MCMBP: variants seen among roughly 807,000 people sequenced by gnomAD.
MCMBP encodes mini-chromosome maintenance complex-binding protein.
A neutral mutation model predicts 81.3 loss-of-function variants in MCMBP; 31 were observed. The observed-to-expected ratio is 0.38, with a 90% CI of 0.29 to 0.51. MCMBP has a LOEUF of 0.51. MCMBP is among the 20% of genes least tolerant of loss of function. The pLI is 0.87. For missense variants in MCMBP, 645 were observed against 772.1 expected, an observed-to-expected ratio of 0.84 and a Z score of 1.95; for synonymous variants, 267 against 275.9, an observed-to-expected ratio of 0.97 and a Z score of 0.32.
rs1852008129 is a variant in MCMBP, at chr10:119,830,911, A to ATGTT, written c.*559_*562dup. On this transcript the variant is annotated 3_prime_UTR_variant, in exon 16 of 16. Coordinates refer to ENST00000369077, the MANE Select transcript of MCMBP (RefSeq NM_001256378.2). ...GTTTAGTTTTGCAGGCTGTTAACAA[A>ATGTT]TGTTAAGTGGGAAAAAGTTTCTGTG... 1 of 152,606 alleles carries ATGTT rather than the reference A, an allele frequency of 6.6e-6. No homozygotes were observed. Among genetic ancestry groups the ATGTT allele is most frequent in the South Asian group, 2.1e-4 (1 of 4,828 alleles). The allele number at this position is 152,606 out of a possible 1,614,324, so 9.5% of individuals were successfully genotyped here. A position where few individuals can be genotyped will look rare whatever the true frequency, so the allele number is the denominator to read the frequency against.
rs1852274496 is a variant in MCMBP at position 119,837,109 on chromosome 10, C to T, written c.1409-80G>A. 7 of 1,430,694 alleles carry T rather than the reference C, an allele frequency of 4.9e-6. No homozygotes were observed. In the Middle Eastern group the frequency reaches 5.5e-4, roughly 112 times the overall value. 88.6% of individuals were successfully genotyped at this position (1,430,694 alleles called of 1,614,324 possible). A position where few individuals can be genotyped will look rare whatever the true frequency, so the allele number is the denominator to read the frequency against. The stretch of plus-strand genomic sequence containing the variant: ...CAGTTTTGCTGACACCGATGATGAG[C>T]CATGAAGTTTCTACCACTTTTAATA... On this transcript the variant is annotated intron_variant, in intron 12 of 15. Transcript: ENST00000369077.
At chr10:119,859,204 A>G in intron 2 of MCMBP, 23 bp from the exon 3 acceptor site, 1 of 1,607,210 alleles carries the variant, frequency 6.2e-7, no homozygotes, top group Non-Finnish European at 8.5e-7. Context: ...TAATCAAGTC[A>G]GTCAACTAAA....
chr10:119,834,380 A>G (rs962850079), intron 14 of MCMBP, among the ~76,000 whole-genome samples: 2 of 152,224 alleles, frequency 1.3e-5, no homozygotes, highest in African/African-American at 4.8e-5. Flanking sequence ...ATCAGAAACT[A>G]GTTGGCTTCT....
At chr10:119,834,254 C>T (rs1213524641) in intron 14 of MCMBP, among the ~76,000 whole-genome samples, 1 of 140,926 alleles carries the variant, frequency 7.1e-6, no homozygotes, top group Non-Finnish European at 1.6e-5. Flanking sequence ...CAACAAACTC[C>T]ATGTAGGATA....
At chr10:119,864,786 T>C (rs2456727) in intron 1 of MCMBP, among the ~76,000 whole-genome samples, 107,911 of 152,084 alleles carry the variant, frequency 0.71, 38,560 homozygotes, top group East Asian at 0.81. Context: ...CATCTAAGCA[T>C]GTCTTTGGCT....
chr10:119,863,165 A>G (rs1259930974), intron 1 of MCMBP, among the ~76,000 whole-genome samples: 1 of 152,118 alleles, frequency 6.6e-6, no homozygotes, highest in Non-Finnish European at 1.5e-5. Context: ...GATGAAGCCC[A>G]ATTTATCAAA....
At chr10:119,834,583 A>G (rs1159486527) in intron 14 of MCMBP, among the ~76,000 whole-genome samples, 4 of 152,110 alleles carry the variant, frequency 2.6e-5, no homozygotes, top group Admixed American at 6.6e-5. Context: ...TCGGGAGGCT[A>G]AGGAGAGAGG....
chr10:119,839,711 T>G (rs1384655849), intron 11 of MCMBP, among the ~76,000 whole-genome samples: 1 of 152,236 alleles, frequency 6.6e-6, no homozygotes, highest in Admixed American at 6.5e-5. Flanking sequence ...CATAGCAGAC[T>G]ATGGAAAGTT....
At position 119,833,492 on chromosome 10, in the gene MCMBP, GAAAA is replaced by G. The variant is rs1200623402; in HGVS notation, c.1708-1396_1708-1393del. The stretch of plus-strand genomic sequence containing the variant: ...TCATCACTACAAAAAAAAAAAGAAA[GAAAA>G]AAAAAGAAAAGAAAAAACAAAAAAA... On this transcript the variant is annotated intron_variant, in intron 14 of 15. Coordinates refer to ENST00000369077, the MANE Select transcript of MCMBP (RefSeq NM_001256378.2). Among the ~76,000 whole-genome samples the G allele has an allele frequency of 4.7e-5, 7 of 149,274 alleles. No individual in the cohort carries two copies. The East Asian group carries it at 7.8e-4, about 17-fold the overall frequency.
intron 1 of MCMBP, among the ~76,000 whole-genome samples, chr10:119,863,187 C>T (rs1022204146): frequency 5.9e-5 from 9 of 151,926 alleles, no homozygotes; most frequent in African/African-American, 1.2e-4. Context: ...TTTTGTTTTA[C>T]GCACTGTGCC....
At chr10:119,871,057 T>C (rs534421462) in intron 1 of MCMBP, among the ~76,000 whole-genome samples, 1 of 152,304 alleles carries the variant, frequency 6.6e-6, no homozygotes, top group South Asian at 2.1e-4. Flanking sequence ...TCCAGCAAAA[T>C]CAGAGTATGG....
intron 14 of MCMBP, among the ~76,000 whole-genome samples, chr10:119,833,380 C>A (rs906139910): frequency 6.6e-6 from 1 of 151,488 alleles, no homozygotes; most frequent in Non-Finnish European, 1.5e-5. Context: ...TGGTGGCTTA[C>A]ACCTGTAATC....
At chr10:119,835,844 T>A in intron 13 of MCMBP, 140 bp from the exon 14 acceptor site, 1 of 950,534 alleles carries the variant, frequency 1.1e-6, no homozygotes, top group African/African-American at 1.7e-5. Context: ...ATAATGTTTT[T>A]TTTTCTGTGT....
intron 11 of MCMBP, among the ~76,000 whole-genome samples, chr10:119,839,395 T>A (rs749336236): frequency 3.3e-5 from 5 of 152,084 alleles, no homozygotes; most frequent in Admixed American, 6.5e-5. Flanking sequence ...GAAGAGGGTA[T>A]GGTGGGGGAA....
Position 119,830,223 on chromosome 10 carries a change from CG to C in MCMBP, c.*1250del, listed in dbSNP as rs767121887. On this transcript the variant is annotated 3_prime_UTR_variant, in exon 16 of 16. Transcript: ENST00000369077. Reference sequence around the variant, plus strand: ...TCAATTTAGGCCTTATAGGAAAAAACGTAAGGGATCCTTTATCTGCCTCCAA... The same window carrying C: ...TCAATTTAGGCCTTATAGGAAAAAACTAAGGGATCCTTTATCTGCCTCCAA... 12 of 152,696 alleles carry C rather than the reference CG, an allele frequency of 7.9e-5. No homozygotes were observed. Among genetic ancestry groups the C allele is most frequent in the Non-Finnish European group, 1.8e-4 (12 of 68,018 alleles). 9.5% of individuals were successfully genotyped at this position (152,696 alleles called of 1,614,324 possible).
At chr10:119,850,546 G>A (rs1852773748) in intron 6 of MCMBP, among the ~76,000 whole-genome samples, 2 of 151,898 alleles carry the variant, frequency 1.3e-5, no homozygotes, top group Admixed American at 1.3e-4. Flanking sequence ...TCAGGAGATT[G>A]AGACCATCCT....
intron 13 of MCMBP, 102 bp downstream of exon 13, chr10:119,836,794 T>TTTTA: frequency 2.9e-6 from 1 of 347,136 alleles, no homozygotes; most frequent in East Asian, 4.8e-5. Context: ...TTTTTTTTTT[T>TTTTA]ACAACAAATG....
At chr10:119,865,271 T>C (rs1256713718) in intron 1 of MCMBP, among the ~76,000 whole-genome samples, 2 of 152,250 alleles carry the variant, frequency 1.3e-5, no homozygotes, top group Non-Finnish European at 2.9e-5. Context: ...AATGTGCCTC[T>C]TGTTCTCTTC....
At chr10:119,840,087 GTATT>G (rs1852383556) in intron 11 of MCMBP, among the ~76,000 whole-genome samples, 1 of 152,130 alleles carries the variant, frequency 6.6e-6, no homozygotes, top group Non-Finnish European at 1.5e-5. Flanking sequence ...TTTAATAGGT[GTATT>G]TACTTTATCT....
Sources: gnomAD v4.1 joint callset for allele counts (sites outside exome capture counted in the v4.1 genomes callset) on GRCh38, gnomAD v4.1.1 for gene constraint, MANE v1.5 for transcripts, NCBI Gene and HGNC (gene_info 2026-07-23, HGNC 2026-07-21) for gene names.